Variants in HCRTR2 observed in about 807,000 individuals in gnomAD.
HCRTR2 encodes hypocretin receptor 2.
A neutral mutation model predicts 49.0 loss-of-function variants in HCRTR2; 22 were observed. That is an observed-to-expected ratio of 0.45 (90% confidence interval 0.32 to 0.64). The LOEUF (loss-of-function observed/expected upper bound fraction) is 0.64, where lower values mean the gene tolerates loss of function less well. Among genes scored for constraint, HCRTR2 ranks in the 30% least tolerant of loss-of-function variants. The pLI is 0.04. For missense variants in HCRTR2, 491 were observed against 559.4 expected (o/e 0.88, Z 1.23); for synonymous variants, 236 against 205.3 (o/e 1.15, Z -1.28).
chr6:55,238,190 C>A (rs1381771653), intron 1 of HCRTR2, among the ~76,000 whole-genome samples: 1 of 152,178 alleles, frequency 6.6e-6, no homozygotes, highest in Non-Finnish European at 1.5e-5. Flanking sequence ...TCCCCTAGCT[C>A]AGTGAGCATC....
Position 55,282,283 on chromosome 6 carries a change from T to C in HCRTR2, c.1164T>C (p.His388=). 2 of 1,613,908 alleles carry C rather than the reference T, an allele frequency of 1.2e-6. No homozygotes were observed. Among genetic ancestry groups the C allele is most frequent in the Non-Finnish European group, 1.7e-6 (2 of 1,179,950 alleles). The stretch of plus-strand genomic sequence containing the variant: ...CTTGCTGTTGCCTTGGAGTTCACCA[T>C]CGCCAGGAGGATCGGCTCACCAGGG... ...AFSCCCLGVH[H]RQEDRLTRGR... The change falls in exon 7 of 7, where the codon CAT becomes CAC. Residue 388 remains histidine, a synonymous_variant. Transcript: ENST00000370862.
intron 1 of HCRTR2, among the ~76,000 whole-genome samples, chr6:55,138,908 G>A (rs755229142): frequency 6.6e-6 from 1 of 152,168 alleles, no homozygotes; most frequent in Non-Finnish European, 1.5e-5. Context: ...ATAAAGCACA[G>A]TAACAGGACA....
chr6:55,258,495 T>G (rs1261877763), intron 3 of HCRTR2, among the ~76,000 whole-genome samples: 2 of 152,158 alleles, frequency 1.3e-5, no homozygotes, highest in Non-Finnish European at 2.9e-5. Context: ...GATAAATGAT[T>G]TCTAAAACTA....
chr6:55,189,431 C>T (rs2127277521), intron 1 of HCRTR2, among the ~76,000 whole-genome samples: 1 of 152,278 alleles, frequency 6.6e-6, no homozygotes, highest in East Asian at 1.9e-4. Context: ...TGGAAGTTGG[C>T]AACTCATCAA....
At chr6:55,210,681 C>G (rs1488117935) in intron 1 of HCRTR2, among the ~76,000 whole-genome samples, 1 of 152,124 alleles carries the variant, frequency 6.6e-6, no homozygotes, top group Non-Finnish European at 1.5e-5. Flanking sequence ...CTGTCCCTTC[C>G]TGTGGCTGGA....
upstream of HCRTR2, among the ~76,000 whole-genome samples, chr6:55,170,306 T>TTATACATAGTATTTATA (rs1451096081): frequency 2.7e-5 from 4 of 148,968 alleles, no homozygotes; most frequent in Non-Finnish European, 5.9e-5. Context: ...ATATATTTAT[T>TTATACATAGTATTTATA]TATACATAGT....
At chr6:55,226,730 T>C (rs1766013931) in intron 1 of HCRTR2, among the ~76,000 whole-genome samples, 1 of 141,538 alleles carries the variant, frequency 7.1e-6, no homozygotes, top group East Asian at 2.0e-4. Flanking sequence ...TTTTTTTTTT[T>C]TTTTTGAGAC....
intron 1 of HCRTR2, among the ~76,000 whole-genome samples, chr6:55,188,178 T>A (rs1459334693): frequency 6.6e-6 from 1 of 152,188 alleles, no homozygotes; most frequent in African/African-American, 2.4e-5. Flanking sequence ...CCTGTGGGAT[T>A]TAAACAAAAC....
chr6:55,268,368 T>C (rs1766901619), intron 4 of HCRTR2, among the ~76,000 whole-genome samples: 1 of 152,010 alleles, frequency 6.6e-6, no homozygotes, highest in African/African-American at 2.4e-5. Context: ...TTAGATTAAA[T>C]GTAAATGGAT....
intron 1 of HCRTR2, among the ~76,000 whole-genome samples, chr6:55,125,541 T>G (rs926231466): frequency 3.3e-5 from 5 of 152,200 alleles, no homozygotes; most frequent in Admixed American, 3.3e-4. Flanking sequence ...TGGCTGCCCT[T>G]AACATTTTTT....
At chr6:55,239,216 T>C (rs3134712) in intron 1 of HCRTR2, among the ~76,000 whole-genome samples, 149,924 of 152,326 alleles carry the variant, frequency 0.98, 73,789 homozygotes, top group East Asian at 1. Context: ...TCCTAACCTT[T>C]TCCTCAGGCC....
chr6:55,207,386 G>A (rs563064904), intron 1 of HCRTR2, among the ~76,000 whole-genome samples: 2 of 152,118 alleles, frequency 1.3e-5, no homozygotes, highest in South Asian at 4.1e-4. Context: ...AAATTGATAA[G>A]GACTTGCATT....
chr6:55,120,674 A>G (rs142676861), intron 1 of HCRTR2, among the ~76,000 whole-genome samples: 1,535 of 145,654 alleles, frequency 0.011, 1 homozygote, highest in African/African-American at 0.04. Context: ...GGGTTTTCTA[A>G]ATATACAATC....
In HCRTR2 at chr6:55,122,317, T is replaced by C. The variant is rs375448816; in HGVS notation, c.-378+15772T>C. ...GTGGAATCAGTGGTGATATCCCCTT[T>C]ATCATTTTTTATTGTGTCTATTTGA... is the stretch of plus-strand genomic sequence containing the variant. On this transcript the variant is annotated intron_variant, in intron 1 of 7. Transcript: ENST00000615358. 1.2e-4 allele frequency among the ~76,000 whole-genome samples: 18 copies of C among 152,280 alleles called. 1 individual carries two copies. In the South Asian group the frequency reaches 3.7e-3, roughly 32 times the overall value.
At chr6:55,215,527 C>T (rs1765772088) in intron 1 of HCRTR2, among the ~76,000 whole-genome samples, 1 of 152,002 alleles carries the variant, frequency 6.6e-6, no homozygotes, top group African/African-American at 2.4e-5. Context: ...AAAGGAAAAA[C>T]AACGGGATAT....
intron 1 of HCRTR2, among the ~76,000 whole-genome samples, chr6:55,167,340 C>T (rs573718364): frequency 6.6e-6 from 1 of 152,088 alleles, no homozygotes; most frequent in East Asian, 1.9e-4. Flanking sequence ...TTCACCATAA[C>T]TATATGGAGT....
intron 1 of HCRTR2, among the ~76,000 whole-genome samples, chr6:55,242,731 C>A (rs967616837): frequency 3.3e-5 from 5 of 152,180 alleles, no homozygotes; most frequent in Admixed American, 6.5e-5. Flanking sequence ...ACCAGCATAT[C>A]ACCTTAGTTT....
intron 1 of HCRTR2, among the ~76,000 whole-genome samples, chr6:55,157,320 T>C (rs1441431112): frequency 6.6e-6 from 1 of 152,244 alleles, no homozygotes; most frequent in African/African-American, 2.4e-5. Flanking sequence ...TTACCAAGAA[T>C]GTACAAGTTT....
At chr6:55,197,629 C>G (rs2083145272) in intron 1 of HCRTR2, among the ~76,000 whole-genome samples, 1 of 152,024 alleles carries the variant, frequency 6.6e-6, no homozygotes. Context: ...TTGATCCTTT[C>G]TCTTTTTTTT....
Sources: gnomAD v4.1 joint callset for allele counts (sites outside exome capture counted in the v4.1 genomes callset) on GRCh38, gnomAD v4.1.1 for gene constraint, MANE v1.5 for transcripts, NCBI Gene and HGNC (gene_info 2026-07-23, HGNC 2026-07-21) for gene names.